Variants in MARCHF1 observed in about 807,000 individuals in gnomAD.
MARCHF1 encodes E3 ubiquitin-protein ligase MARCHF1.
Under a neutral mutation model 54.2 loss-of-function variants are expected in MARCHF1, and 40 were observed. The ratio of observed to expected loss-of-function variants is 0.74; its 90% CI spans 0.57 to 0.96. MARCHF1 has a LOEUF of 0.96. Ranked by LOEUF, MARCHF1 falls within the 40% of genes least tolerant of loss-of-function variation. The pLI is 0.00. For synonymous variants in MARCHF1, 236 were observed against 236.3 expected, an observed-to-expected ratio of 1.00 and a Z score of 0.01; for missense variants, 586 against 656.5, an observed-to-expected ratio of 0.89 and a Z score of 1.17.
intron 3 of MARCHF1, among the ~76,000 whole-genome samples, chr4:163,887,597 T>C (rs1750567281): frequency 6.6e-6 from 1 of 152,162 alleles, no homozygotes; most frequent in African/African-American, 2.4e-5. Flanking sequence ...ACATGAAAGT[T>C]TGAGAAGTAT....
chr4:163,989,814 C>T (rs1487587097), intron 2 of MARCHF1, among the ~76,000 whole-genome samples: 1 of 152,128 alleles, frequency 6.6e-6, no homozygotes, highest in Non-Finnish European at 1.5e-5. Flanking sequence ...ATATTTTCTG[C>T]ATATTGTGAA....
At chr4:163,598,296 CT>C (rs1312808519) in intron 7 of MARCHF1, among the ~76,000 whole-genome samples, 1 of 152,186 alleles carries the variant, frequency 6.6e-6, no homozygotes, top group Admixed American at 6.5e-5. Context: ...AATGCCTGTC[CT>C]TCATTTTGTC....
chr4:164,196,819 C>A (rs1480191066), intron 1 of MARCHF1, among the ~76,000 whole-genome samples: 2 of 152,086 alleles, frequency 1.3e-5, no homozygotes, highest in Non-Finnish European at 2.9e-5. Context: ...CCCTCCCTCC[C>A]TCCACAACCC....
At chr4:163,919,407 C>T (rs1209328685) in intron 3 of MARCHF1, among the ~76,000 whole-genome samples, 1 of 151,808 alleles carries the variant, frequency 6.6e-6, no homozygotes, top group African/African-American at 2.4e-5. Context: ...AAATATTGCA[C>T]TGAAAATTAT....
chr4:164,143,750 A>T (rs1326151308), intron 1 of MARCHF1, among the ~76,000 whole-genome samples: 1 of 152,228 alleles, frequency 6.6e-6, no homozygotes, highest in Non-Finnish European at 1.5e-5. Context: ...GAGACTAGGA[A>T]GAAACTGCAT....
At chr4:163,949,240 G>T (rs1752082799) in intron 3 of MARCHF1, among the ~76,000 whole-genome samples, 1 of 152,218 alleles carries the variant, frequency 6.6e-6, no homozygotes, top group Non-Finnish European at 1.5e-5. Context: ...AGCTCCAAGT[G>T]CCTGCACAGG....
At position 164,337,643 on chromosome 4, in the gene MARCHF1, G is replaced by A. The variant is rs1257186046; in HGVS notation, c.-323+46227C>T. Among the ~76,000 whole-genome samples the A allele has an allele frequency of 2.6e-5, 4 of 152,180 alleles. No individual in the cohort carries two copies. In the South Asian group the frequency reaches 8.3e-4, roughly 32 times the overall value. ...CTGGCATGTGTACACCTCCTAACTA[G>A]CCTACAGACACCCTCAATGGTCCAC... is the stretch of plus-strand genomic sequence containing the variant. On this transcript the variant is annotated intron_variant, in intron 1 of 9. Coordinates refer to ENST00000514618, the MANE Select transcript of MARCHF1 (RefSeq NM_001394959.1).
chr4:163,895,340 G>A, intron 3 of MARCHF1, among the ~76,000 whole-genome samples: 1 of 152,064 alleles, frequency 6.6e-6, no homozygotes, highest in East Asian at 1.9e-4. Context: ...CTCTGAACAG[G>A]AATAAATAAT....
At chr4:163,786,692 C>T (rs553887162) in intron 4 of MARCHF1, among the ~76,000 whole-genome samples, 65 of 151,916 alleles carry the variant, frequency 4.3e-4, no homozygotes, top group African/African-American at 1.2e-3. Flanking sequence ...AATGCAATCC[C>T]GATCAAAATC....
At chr4:164,058,576 C>G (rs1242017022) in intron 2 of MARCHF1, among the ~76,000 whole-genome samples, 1 of 152,126 alleles carries the variant, frequency 6.6e-6, no homozygotes, top group East Asian at 1.9e-4. Flanking sequence ...GCTAGTGAAG[C>G]CTATGGGAGA....
intron 7 of MARCHF1, among the ~76,000 whole-genome samples, chr4:163,608,603 G>A (rs908023354): frequency 5.9e-5 from 9 of 152,022 alleles, no homozygotes; most frequent in African/African-American, 1.9e-4. Context: ...CCACTGCACT[G>A]TGGAAATAAC....
intron 1 of MARCHF1, among the ~76,000 whole-genome samples, chr4:164,169,740 T>C (rs1375804311): frequency 6.6e-6 from 1 of 152,116 alleles, no homozygotes; most frequent in Non-Finnish European, 1.5e-5. Context: ...TACAAAATCA[T>C]GACCACTCAG....
At chr4:163,639,405 C>G (rs1310069246) in intron 5 of MARCHF1, among the ~76,000 whole-genome samples, 1 of 152,128 alleles carries the variant, frequency 6.6e-6, no homozygotes, top group Non-Finnish European at 1.5e-5. Context: ...TTGGGTGATT[C>G]TTCGAGAGAA....
At chr4:163,863,402 C>T (rs1749983256) in intron 3 of MARCHF1, among the ~76,000 whole-genome samples, 1 of 151,978 alleles carries the variant, frequency 6.6e-6, no homozygotes, top group Non-Finnish European at 1.5e-5. Context: ...TCTGACAGTG[C>T]TATAAATGCA....
intron 7 of MARCHF1, among the ~76,000 whole-genome samples, chr4:163,591,021 T>C (rs1322354724): frequency 1.3e-5 from 2 of 151,776 alleles, no homozygotes; most frequent in African/African-American, 2.4e-5. Flanking sequence ...TTAAAGTAAG[T>C]GATCAATTAA....
intron 1 of MARCHF1, among the ~76,000 whole-genome samples, chr4:164,219,496 C>T (rs1216841665): frequency 1.3e-5 from 2 of 152,032 alleles, no homozygotes; most frequent in Non-Finnish European, 2.9e-5. Context: ...ACTTGAAATT[C>T]CAGTGTGTTT....
chr4:164,284,676 C>G (rs530029757), intron 1 of MARCHF1, among the ~76,000 whole-genome samples: 11 of 150,930 alleles, frequency 7.3e-5, no homozygotes, highest in Non-Finnish European at 1.5e-4. Flanking sequence ...GTCTCTTCCC[C>G]TCACAGATGC....
intron 4 of MARCHF1, among the ~76,000 whole-genome samples, chr4:163,852,559 AG>A (rs1749669899): frequency 6.6e-6 from 1 of 152,192 alleles, no homozygotes; most frequent in Admixed American, 6.5e-5. Context: ...GAGTGAGACG[AG>A]ATAATGCAGA....
At chr4:163,608,828 G>T (rs1251697491) in intron 7 of MARCHF1, among the ~76,000 whole-genome samples, 1 of 151,902 alleles carries the variant, frequency 6.6e-6, no homozygotes, top group Non-Finnish European at 1.5e-5. Context: ...TGTCTGAGAG[G>T]GCAAGTTCAC....
Sources: gnomAD v4.1 joint callset for allele counts (sites outside exome capture counted in the v4.1 genomes callset) on GRCh38, gnomAD v4.1.1 for gene constraint, MANE v1.5 for transcripts, NCBI Gene and HGNC (gene_info 2026-07-23, HGNC 2026-07-21) for gene names.